Variants in ANKH observed in about 807,000 individuals in gnomAD.
The protein encoded by ANKH is mineralization regulator ANKH.
Under a neutral mutation model 49.0 loss-of-function variants are expected in ANKH, and 15 were observed. That is an observed-to-expected ratio of 0.31 (90% CI 0.20 to 0.47). The LOEUF is 0.47. Ranked by LOEUF, ANKH falls within the 20% of genes least tolerant of loss-of-function variation. The pLI, the probability that ANKH is intolerant of heterozygous loss-of-function variation, is 1.00. For synonymous variants in ANKH, 273 were observed against 260.0 expected, an observed-to-expected ratio of 1.05 and a Z score of -0.48; for missense variants, 429 against 652.0, an observed-to-expected ratio of 0.66 and a Z score of 3.72.
At chr5:14,726,596 C>CA in intron 8 of ANKH, among the ~76,000 whole-genome samples, 1 of 152,142 alleles carries the variant, frequency 6.6e-6, no homozygotes, top group East Asian at 1.9e-4. Flanking sequence ...GACCTGTCCT[C>CA]ACGGTGGTTT....
Position 14,706,889 on chromosome 5 carries a change from G to A in ANKH, c.*4308C>T. ...AGAGCCATCAGAGGACTGTGTGTGAGGGCGATGTCTACAGAATGCAGGCAG... is the reference window on the plus strand; with the variant it reads ...AGAGCCATCAGAGGACTGTGTGTGAAGGCGATGTCTACAGAATGCAGGCAG... On this transcript the variant is annotated 3_prime_UTR_variant, in exon 12 of 12. Coordinates refer to ENST00000284268, the MANE Select transcript of ANKH (RefSeq NM_054027.6). 6.6e-6 allele frequency: 1 copy of A among 152,238 alleles called. No individual in the cohort carries two copies. The highest frequency in any genetic ancestry group is 6.5e-5 in the Admixed American group (1 of 15,276). The allele number at this position is 152,238 out of a possible 1,614,324, so 9.4% of individuals were successfully genotyped here. A position where few individuals can be genotyped will look rare whatever the true frequency, so the allele number is the denominator to read the frequency against.
Position 14,745,812 on chromosome 5 carries a change from T to G in ANKH, c.915+58A>C. The G allele has an allele frequency of 6.8e-7, 1 of 1,478,502 alleles. No individual in the cohort carries two copies. The highest frequency in any genetic ancestry group is 9.5e-7 in the Non-Finnish European group (1 of 1,057,166). 91.6% of individuals were successfully genotyped at this position (1,478,502 alleles called of 1,614,324 possible). A position where few individuals can be genotyped will look rare whatever the true frequency, so the allele number is the denominator to read the frequency against. On this transcript the variant is annotated intron_variant, in intron 7 of 11. Transcript: ENST00000284268. This position sits in a 1 kb window ranked among gnomAD's most constrained non-coding sequence, Gnocchi z 4.7. Reference sequence around the variant, plus strand: ...AAGTGTCCCTCATCAGAGAGCCCTGTCTATCAAGAAGTCATTTCAAAAGCA... The same window carrying G: ...AAGTGTCCCTCATCAGAGAGCCCTGGCTATCAAGAAGTCATTTCAAAAGCA...
At chr5:14,782,455 T>C (rs750008789) in intron 1 of ANKH, among the ~76,000 whole-genome samples, 1 of 152,152 alleles carries the variant, frequency 6.6e-6, no homozygotes, top group Non-Finnish European at 1.5e-5. Flanking sequence ...CTAACCCTCA[T>C]TCTATTATAC....
At chr5:14,784,848 G>A (rs554432787) in intron 1 of ANKH, among the ~76,000 whole-genome samples, 1 of 152,252 alleles carries the variant, frequency 6.6e-6, no homozygotes, top group South Asian at 2.1e-4. Flanking sequence ...AGCAAGTGAG[G>A]CCCTAGAAAA....
intron 1 of ANKH, among the ~76,000 whole-genome samples, chr5:14,822,697 C>T (rs537806087): frequency 9.8e-5 from 15 of 152,320 alleles, no homozygotes; most frequent in East Asian, 5.8e-4. Context: ...CAGAAATACA[C>T]GAAAACCACA....
intron 1 of ANKH, among the ~76,000 whole-genome samples, chr5:14,839,323 G>A (rs917282001): frequency 3.9e-5 from 6 of 151,936 alleles, no homozygotes; most frequent in East Asian, 1.9e-4. Flanking sequence ...CAAGAGTAGC[G>A]AAGACAAGTA....
chr5:14,846,613 C>T (rs1741966968), intron 1 of ANKH, among the ~76,000 whole-genome samples: 1 of 152,198 alleles, frequency 6.6e-6, no homozygotes, highest in South Asian at 2.1e-4. Context: ...GCTGTTTCTA[C>T]TAGAGATCTA....
chr5:14,754,713 G>A (rs958501299), intron 4 of ANKH, among the ~76,000 whole-genome samples: 1 of 152,110 alleles, frequency 6.6e-6, no homozygotes, highest in Admixed American at 6.5e-5. Context: ...TTCAACAGTC[G>A]ATTATTTCAA....
chr5:14,738,826 T>C (rs1023182316), intron 8 of ANKH, among the ~76,000 whole-genome samples: 1 of 151,878 alleles, frequency 6.6e-6, no homozygotes, highest in Non-Finnish European at 1.5e-5. Context: ...TTTACGATAA[T>C]ACAGACTGAG....
chr5:14,788,878 G>T (rs1005530337), intron 1 of ANKH, among the ~76,000 whole-genome samples: 2 of 152,166 alleles, frequency 1.3e-5, no homozygotes, highest in Non-Finnish European at 2.9e-5. Flanking sequence ...AAGGGGGAAA[G>T]AAAAAGGTGC....
In ANKH at chr5:14,793,007, A is replaced by AAAATAT. The variant is rs796261030; in HGVS notation, c.97-23817_97-23816insATATTT. On this transcript the variant is annotated intron_variant, in intron 1 of 11. Transcript: ENST00000284268. ...ATATATAAAAATATATATATATATA[A>AAAATAT]ATATATATATATAAATATATATATA... Among the ~76,000 whole-genome samples, 61 of 79,692 alleles carry AAAATAT rather than the reference A, an allele frequency of 7.7e-4. 1 individual carries two copies. The highest frequency in any genetic ancestry group is 3.2e-3 in the East Asian group (9 of 2,784). 52.3% of individuals were successfully genotyped at this position (79,692 alleles called of 152,430 possible).
chr5:14,730,084 A>G (rs939098844), intron 8 of ANKH, among the ~76,000 whole-genome samples: 2 of 152,172 alleles, frequency 1.3e-5, no homozygotes, highest in Admixed American at 1.3e-4. Flanking sequence ...GGTTCTACAG[A>G]AACAGCACGC....
At chr5:14,807,019 T>C (rs764240548) in intron 1 of ANKH, among the ~76,000 whole-genome samples, 1 of 152,224 alleles carries the variant, frequency 6.6e-6, no homozygotes, top group Non-Finnish European at 1.5e-5. Context: ...TTTTGTCTCT[T>C]TCTTCCTGAC....
intron 2 of ANKH, 184 bp downstream of exon 2, chr5:14,768,791 G>GA (rs1739330331): frequency 4.5e-6 from 3 of 671,622 alleles, no homozygotes; most frequent in East Asian, 2.7e-5. Flanking sequence ...CAGCTCCCCA[G>GA]AAAAAACACA....
intron 8 of ANKH, among the ~76,000 whole-genome samples, chr5:14,724,825 A>G (rs1354602606): frequency 3.3e-5 from 5 of 152,170 alleles, no homozygotes; most frequent in Admixed American, 6.5e-5. Flanking sequence ...CCACCACCCT[A>G]TGAGGGCACT....
intron 1 of ANKH, among the ~76,000 whole-genome samples, chr5:14,834,584 C>A (rs1447442342): frequency 6.6e-6 from 1 of 152,058 alleles, no homozygotes; most frequent in African/African-American, 2.4e-5. Flanking sequence ...AGTTCAAGAC[C>A]AGCCTGGCCA....
Position 14,713,024 on chromosome 5 carries a change from A to C in ANKH, c.1266-51T>G. 6.5e-7 allele frequency: 1 copy of C among 1,547,150 alleles called. No homozygotes were observed. The highest frequency in any genetic ancestry group is 8.8e-7 in the Non-Finnish European group (1 of 1,132,352). Reference sequence around the variant, plus strand: ...TTGTCTGTTAAGGCCAAGTCAAGGCACAACCGTCGATGCCAAAACCCAGGA... The same window carrying C: ...TTGTCTGTTAAGGCCAAGTCAAGGCCCAACCGTCGATGCCAAAACCCAGGA... On this transcript the variant is annotated intron_variant, in intron 10 of 11. Transcript: ENST00000284268. The surrounding 1 kb of genome is among the most constrained non-coding windows in gnomAD (Gnocchi z 4.4).
In ANKH at chr5:14,708,717, T is replaced by C. The variant is rs998020817; in HGVS notation, c.*2480A>G. ...TAAGGTGAAAGGTTTGAACAAGTCC[T>C]GCCAAATCAGCTCCATTGTGGTGGC... is the stretch of plus-strand genomic sequence containing the variant. On this transcript the variant is annotated 3_prime_UTR_variant, in exon 12 of 12. Transcript: ENST00000284268. The C allele has an allele frequency of 6.6e-6, 1 of 152,248 alleles. No individual in the cohort carries two copies. Among genetic ancestry groups the C allele is most frequent in the Admixed American group, 6.5e-5 (1 of 15,286 alleles). The allele number at this position is 152,248 out of a possible 1,614,324, so 9.4% of individuals were successfully genotyped here. A position where few individuals can be genotyped will look rare whatever the true frequency, so the allele number is the denominator to read the frequency against.
At chr5:14,742,623 G>T (rs1561033473) in intron 7 of ANKH, among the ~76,000 whole-genome samples, 1 of 152,208 alleles carries the variant, frequency 6.6e-6, no homozygotes, top group African/African-American at 2.4e-5. Flanking sequence ...TGACCCTGGA[G>T]CTCTCTGAGG....
Sources: allele counts gnomAD v4.1 joint callset (sites outside exome capture counted in the v4.1 genomes callset), GRCh38; gene constraint gnomAD v4.1.1; non-coding constraint Gnocchi (gnomAD v3.1); transcripts MANE v1.5; gene names NCBI Gene and HGNC (gene_info 2026-07-23, HGNC 2026-07-21).